The following SNTG1 variants were observed in gnomAD, a reference collection of about 807,000 sequenced individuals.
SNTG1 encodes the protein syntrophin gamma 1.
SNTG1 carries 39 observed loss-of-function variants against 74.7 expected under a neutral mutation model. The ratio of observed to expected loss-of-function variants is 0.52; its 90% CI spans 0.40 to 0.68. The LOEUF (loss-of-function observed/expected upper bound fraction) is 0.68, where lower values mean the gene tolerates loss of function less well. SNTG1 is among the 30% of genes least tolerant of loss of function. The pLI is 0.00. For missense variants in SNTG1, 685 were observed against 609.5 expected (o/e 1.12, Z -1.30); for synonymous variants, 254 against 217.1 (o/e 1.17, Z -1.49).
At chr8:49,983,437 A>G (rs1449530682) in intron 1 of SNTG1, among the ~76,000 whole-genome samples, 1 of 152,258 alleles carries the variant, frequency 6.6e-6, no homozygotes, top group Non-Finnish European at 1.5e-5. Context: ...GTCTTTAAAC[A>G]TAAATAATGT....
chr8:50,243,046 A>G (rs2086235778), intron 2 of SNTG1, among the ~76,000 whole-genome samples: 1 of 152,126 alleles, frequency 6.6e-6, no homozygotes, highest in Admixed American at 6.6e-5. Context: ...CAAAATAAAT[A>G]AATTTGACTT....
intron 13 of SNTG1, among the ~76,000 whole-genome samples, chr8:50,632,193 C>T (rs1057304447): frequency 6.6e-6 from 1 of 151,690 alleles, no homozygotes. Context: ...ACATTCTAGC[C>T]TTAAAGGATG....
At chr8:50,497,573 C>A (rs1331126100) in intron 8 of SNTG1, among the ~76,000 whole-genome samples, 1 of 151,560 alleles carries the variant, frequency 6.6e-6, no homozygotes, top group Non-Finnish European at 1.5e-5. Flanking sequence ...CCAAAAAAAG[C>A]AAAAGAAAAA....
intron 4 of SNTG1, among the ~76,000 whole-genome samples, chr8:50,411,484 A>T (rs1171362096): frequency 1.3e-5 from 2 of 151,940 alleles, no homozygotes; most frequent in Non-Finnish European, 2.9e-5. Context: ...CTCAAAAAAA[A>T]AATAAAATAA....
At chr8:50,127,188 G>C (rs1390762427) in intron 1 of SNTG1, among the ~76,000 whole-genome samples, 1 of 152,080 alleles carries the variant, frequency 6.6e-6, no homozygotes, top group Non-Finnish European at 1.5e-5. Context: ...GCAGAGCTAG[G>C]AGCTGAGGCT....
chr8:49,989,502 T>A (rs1813480537), intron 1 of SNTG1, among the ~76,000 whole-genome samples: 1 of 151,972 alleles, frequency 6.6e-6, no homozygotes, highest in Non-Finnish European at 1.5e-5. Context: ...ACCTTTCCCT[T>A]CTGGTGAATT....
intron 1 of SNTG1, among the ~76,000 whole-genome samples, chr8:50,067,134 T>C (rs548303827): frequency 6.6e-6 from 1 of 152,236 alleles, no homozygotes; most frequent in South Asian, 2.1e-4. Context: ...CAAAGGTCTA[T>C]GTGATTTTGC....
intron 13 of SNTG1, among the ~76,000 whole-genome samples, chr8:50,627,261 T>G (rs1315313152): frequency 6.6e-6 from 1 of 152,206 alleles, no homozygotes; most frequent in Non-Finnish European, 1.5e-5. Context: ...AAACTCAAGT[T>G]TATATTTTAA....
intron 1 of SNTG1, among the ~76,000 whole-genome samples, chr8:49,957,905 G>T (rs1810323304): frequency 6.6e-6 from 1 of 152,110 alleles, no homozygotes; most frequent in South Asian, 2.1e-4. Context: ...TTGAAGTCCA[G>T]CCTGGGCAAC....
chr8:50,642,606 C>A (rs543657408), intron 13 of SNTG1, among the ~76,000 whole-genome samples: 4 of 152,238 alleles, frequency 2.6e-5, no homozygotes, highest in African/African-American at 9.6e-5. Flanking sequence ...CCTTGCTGTC[C>A]CCTCAGCCTT....
intron 2 of SNTG1, among the ~76,000 whole-genome samples, chr8:50,318,103 TG>T (rs2090383628): frequency 1.3e-5 from 2 of 152,120 alleles, no homozygotes; most frequent in Admixed American, 1.3e-4. Context: ...CCCAAAGTGC[TG>T]GGATTACAGG....
At chr8:50,339,815 A>C (rs1176177848) in intron 2 of SNTG1, among the ~76,000 whole-genome samples, 1 of 152,012 alleles carries the variant, frequency 6.6e-6, no homozygotes, top group Non-Finnish European at 1.5e-5. Context: ...CAATGACTTC[A>C]AATATGACTG....
chr8:50,412,253 T>C (rs938449595), intron 4 of SNTG1, among the ~76,000 whole-genome samples: 3 of 152,206 alleles, frequency 2.0e-5, no homozygotes, highest in African/African-American at 7.2e-5. Context: ...AGATTTTCTT[T>C]ATACATATAA....
At chr8:50,115,269 G>C (rs2080766262) in intron 1 of SNTG1, among the ~76,000 whole-genome samples, 1 of 151,856 alleles carries the variant, frequency 6.6e-6, no homozygotes, top group Non-Finnish European at 1.5e-5. Flanking sequence ...GTGTGAGTGA[G>C]AGGGTTAAGA....
In SNTG1 at chr8:50,694,825, AATATC is replaced by A. The variant is rs1429019161; in HGVS notation, c.1039-9770_1039-9766del. The stretch of plus-strand genomic sequence containing the variant: ...CGCCACATTAATGAAATGAAGGACA[AATATC>A]ATATAATTATTTTATAAAACACAAA... On this transcript the variant is annotated intron_variant, in intron 15 of 18. Transcript: ENST00000642720. 3.3e-5 allele frequency among the ~76,000 whole-genome samples: 5 copies of A among 152,086 alleles called. No homozygotes were observed. The East Asian group carries it at 9.6e-4, about 29-fold the overall frequency.
chr8:50,613,101 A>G (rs189460744), intron 13 of SNTG1, among the ~76,000 whole-genome samples: 61 of 152,324 alleles, frequency 4.0e-4, no homozygotes, highest in African/African-American at 1.3e-3. Context: ...TCCAAGAGCA[A>G]TATTAGAATT....
At chr8:50,540,716 A>G (rs897221885) in intron 11 of SNTG1, among the ~76,000 whole-genome samples, 4 of 152,134 alleles carry the variant, frequency 2.6e-5, no homozygotes, top group Admixed American at 6.6e-5. Flanking sequence ...TTCCTGTTAT[A>G]TGATGCTTGA....
intron 13 of SNTG1, among the ~76,000 whole-genome samples, chr8:50,607,248 C>T (rs1406140960): frequency 5.3e-5 from 8 of 151,846 alleles, no homozygotes; most frequent in South Asian, 2.1e-4. Flanking sequence ...AAAGCATTTA[C>T]GCTTCCTAAA....
intron 8 of SNTG1, among the ~76,000 whole-genome samples, chr8:50,463,398 A>G (rs1435190073): frequency 6.6e-6 from 1 of 152,194 alleles, no homozygotes; most frequent in Non-Finnish European, 1.5e-5. Context: ...GTATTTCCTA[A>G]TAACAAAACT....
Sources: allele counts gnomAD v4.1 joint callset (sites outside exome capture counted in the v4.1 genomes callset), GRCh38; gene constraint gnomAD v4.1.1; transcripts MANE v1.5; gene names NCBI Gene and HGNC (gene_info 2026-07-23, HGNC 2026-07-21).